The following OARD1 variants were observed in gnomAD, a reference collection of about 807,000 sequenced individuals.
The protein encoded by OARD1 is ADP-ribose glycohydrolase OARD1.
In OARD1, 19 loss-of-function variants were observed where a neutral mutation model predicts 19.7. The ratio of observed to expected loss-of-function variants is 0.96; its 90% CI spans 0.67 to 1.41. OARD1 has a LOEUF of 1.41. Ranked by LOEUF, OARD1 falls within the 40% of genes most tolerant of loss-of-function variation. The pLI, the probability that OARD1 is intolerant of heterozygous loss-of-function variation, is 0.00. For synonymous variants in OARD1, 70 were observed against 61.8 expected, an observed-to-expected ratio of 1.13 and a Z score of -0.62; for missense variants, 190 against 183.8, an observed-to-expected ratio of 1.03 and a Z score of -0.20.
At chr6:41,079,051 G>A (rs533078534) in intron 1 of OARD1, 1 of 1,600,674 alleles carries the variant, frequency 6.2e-7, no homozygotes, top group Non-Finnish European at 8.6e-7. Context: ...CAGCCTTCTA[G>A]GATCTCCAGA....
At chr6:41,073,638 A>T (rs1438785588), upstream of OARD1, among the ~76,000 whole-genome samples, 6 of 151,696 alleles carry the variant, frequency 4.0e-5, no homozygotes, top group South Asian at 2.1e-4. Context: ...AGGCCTGGGG[A>T]GGGTGCGCGC....
intron 5 of OARD1, among the ~76,000 whole-genome samples, chr6:41,068,000 G>A (rs1485888887): frequency 6.6e-6 from 1 of 151,968 alleles, no homozygotes; most frequent in Non-Finnish European, 1.5e-5. Flanking sequence ...TTACTCTAGT[G>A]ATCCTCAACA....
At chr6:41,086,098 G>T (rs552688773) in intron 1 of OARD1, among the ~76,000 whole-genome samples, 1 of 152,188 alleles carries the variant, frequency 6.6e-6, no homozygotes, top group African/African-American at 2.4e-5. Context: ...TATCCTTTCT[G>T]TTCTTCTCTC....
chr6:41,079,198 A>T, intron 1 of OARD1: 1 of 1,590,322 alleles, frequency 6.3e-7, no homozygotes, highest in Non-Finnish European at 8.6e-7. Context: ...ACATTACAGC[A>T]ATGAAACTGA....
At chr6:41,072,927 G>T (rs1198558517), upstream of OARD1, 2 of 153,700 alleles carry the variant, frequency 1.3e-5, no homozygotes, top group Non-Finnish European at 2.9e-5. Context: ...CTGCGCGGAG[G>T]CGGTTGGAGG....
rs1341081174 is a variant in OARD1 at position 41,065,463 on chromosome 6, TTTTAAGTTTC to T, written c.*1862_*1871del. 25 of 152,320 alleles carry T rather than the reference TTTTAAGTTTC, an allele frequency of 1.6e-4. No homozygotes were observed. The highest frequency in any genetic ancestry group is 5.3e-4 in the African/African-American group (22 of 41,578). 9.4% of individuals were successfully genotyped at this position (152,320 alleles called of 1,614,324 possible). A position where few individuals can be genotyped will look rare whatever the true frequency, so the allele number is the denominator to read the frequency against. On this transcript the variant is annotated 3_prime_UTR_variant, in exon 6 of 6. Coordinates refer to ENST00000424266, the MANE Select transcript of OARD1 (RefSeq NM_001329686.2). Reference sequence around the variant, plus strand: ...TGTAATTGCAGAGTTAAGCAAAATATTTTAAGTTTCTTTAAGTTTCTTATCCCCCACTCTC... The same window carrying T: ...TGTAATTGCAGAGTTAAGCAAAATATTTTAAGTTTCTTATCCCCCACTCTC...
chr6:41,071,564 A>C (rs1425780649), intron 2 of OARD1, 32 bp downstream of exon 2: 1 of 1,575,544 alleles, frequency 6.3e-7, no homozygotes, highest in East Asian at 2.2e-5. Context: ...TACGAATTTC[A>C]GTTCACCAAT....
intron 5 of OARD1, among the ~76,000 whole-genome samples, chr6:41,068,171 AAAGT>A (rs1763122625): frequency 1.3e-5 from 2 of 152,244 alleles, no homozygotes; most frequent in Admixed American, 6.5e-5. Context: ...GGCCATATGC[AAAGT>A]AATGTGGGGC....
upstream of OARD1, among the ~76,000 whole-genome samples, chr6:41,073,810 C>A (rs571770933): frequency 6.6e-6 from 1 of 152,180 alleles, no homozygotes; most frequent in African/African-American, 2.4e-5. Flanking sequence ...CCGCTCCGCC[C>A]GGGTCTCCGG....
chr6:41,071,464 G>A, intron 2 of OARD1, 132 bp downstream of exon 2: 1 of 1,020,884 alleles, frequency 9.8e-7, no homozygotes, highest in Non-Finnish European at 1.5e-6. Context: ...AGAATTTTGA[G>A]CCTTTTTAAA....
At chr6:41,077,311 A>G (rs566079424), upstream of OARD1, among the ~76,000 whole-genome samples, 11 of 152,196 alleles carry the variant, frequency 7.2e-5, 1 homozygote, top group South Asian at 1.9e-3. Context: ...CACCTGTGCA[A>G]CTGCTACCAC....
chr6:41,073,370 G>A (rs907752276), upstream of OARD1, among the ~76,000 whole-genome samples: 2 of 151,856 alleles, frequency 1.3e-5, no homozygotes, highest in Non-Finnish European at 2.9e-5. Flanking sequence ...TTGGGAATGC[G>A]TCCCTGTTCC....
chr6:41,086,522 GT>G (rs35163651), intron 1 of OARD1, among the ~76,000 whole-genome samples: 2 of 151,892 alleles, frequency 1.3e-5, no homozygotes, highest in East Asian at 3.9e-4. Flanking sequence ...TTGTATAGGA[GT>G]TTTTTTTCTC....
chr6:41,070,377 A>C (rs7775972), intron 3 of OARD1, among the ~76,000 whole-genome samples: 66,743 of 152,064 alleles, frequency 0.44, 16,166 homozygotes, highest in African/African-American at 0.65. Flanking sequence ...CATCTTTTGT[A>C]CCACTACTAC....
chr6:41,067,665 T>A (rs771642831), intron 5 of OARD1, among the ~76,000 whole-genome samples: 2 of 152,250 alleles, frequency 1.3e-5, no homozygotes, highest in African/African-American at 2.4e-5. Flanking sequence ...CCTAATAAGA[T>A]ACTACTTTCC....
At chr6:41,094,389 G>C in intron 1 of OARD1, 1 of 1,612,206 alleles carries the variant, frequency 6.2e-7, no homozygotes, top group Non-Finnish European at 8.5e-7. Context: ...TTTATTTCTC[G>C]TTTTAGAAAT....
intron 1 of OARD1, among the ~76,000 whole-genome samples, chr6:41,078,265 A>C (rs1763794673): frequency 6.6e-6 from 1 of 152,234 alleles, no homozygotes; most frequent in African/African-American, 2.4e-5. Context: ...GACACCTTGC[A>C]AATGATTAAT....
At chr6:41,080,799 TC>T (rs1763884233) in intron 1 of OARD1, 5 of 1,611,074 alleles carry the variant, frequency 3.1e-6, no homozygotes, top group Non-Finnish European at 4.2e-6. Flanking sequence ...CTCTTCCTGT[TC>T]CTGTTCTCAG....
chr6:41,083,772 G>A (rs989072445), intron 1 of OARD1, among the ~76,000 whole-genome samples: 10 of 152,318 alleles, frequency 6.6e-5, no homozygotes, highest in Admixed American at 2.0e-4. Context: ...GATTTAGCCC[G>A]TGTTTGGTGA....
Sources: allele counts gnomAD v4.1 joint callset (sites outside exome capture counted in the v4.1 genomes callset), GRCh38; gene constraint gnomAD v4.1.1; transcripts MANE v1.5; gene names NCBI Gene and HGNC (gene_info 2026-07-23, HGNC 2026-07-21).